CTNNA2: variants seen among roughly 807,000 people sequenced by gnomAD.
CTNNA2 encodes catenin alpha-2.
Under a neutral mutation model 101.0 loss-of-function variants are expected in CTNNA2, and 42 were observed. That is an observed-to-expected ratio of 0.42 (90% CI 0.32 to 0.54). The LOEUF is 0.54. Among genes scored for constraint, CTNNA2 ranks in the 20% least tolerant of loss-of-function variants. The pLI is 0.14. For synonymous variants in CTNNA2, 450 were observed against 456.4 expected (o/e 0.99, Z 0.18); for missense variants, 871 against 1,223.1 (o/e 0.71, Z 4.29).
chr2:80,096,746 T>G (rs1339893202), intron 7 of CTNNA2, among the ~76,000 whole-genome samples: 2 of 152,240 alleles, frequency 1.3e-5, no homozygotes, highest in East Asian at 1.9e-4. Context: ...AATTGATCCC[T>G]TTACCATTAT....
intron 7 of CTNNA2, among the ~76,000 whole-genome samples, chr2:80,055,184 G>T (rs1697139143): frequency 6.6e-6 from 1 of 151,886 alleles, no homozygotes; most frequent in Non-Finnish European, 1.5e-5. Context: ...ACACCACCAT[G>T]CTCAGCTCAC....
Position 80,629,820 on chromosome 2 carries a change from G to A in CTNNA2, c.2574+10592G>A, listed in dbSNP as rs561554502. 1.6e-3 allele frequency among the ~76,000 whole-genome samples: 249 copies of A among 152,256 alleles called. 1 individual carries two copies. Among genetic ancestry groups the A allele is most frequent in the African/African-American group, 5.4e-3 (223 of 41,548 alleles). On this transcript the variant is annotated intron_variant, in intron 18 of 18. Coordinates refer to ENST00000402739, the MANE Select transcript of CTNNA2 (RefSeq NM_001282597.3). ...CAAACATCTCCAAACTTTGCTGAAC[G>A]TATCCTGGAGTGGGTGGCAAAATTA...
rs369188518 is a variant in CTNNA2, at chr2:79,740,671, A to T, written c.103-3716A>T. ...AAAATGTAGTGAGACAAATGTAGAG[A>T]ATAAATACATTTTAAGATTATTTTG... On this transcript the variant is annotated intron_variant, in intron 2 of 18. Transcript: ENST00000402739. Among the ~76,000 whole-genome samples the T allele has an allele frequency of 1.9e-4, 29 of 152,352 alleles. No individual in the cohort carries two copies. In the East Asian group the frequency reaches 2.1e-3, roughly 11 times the overall value.
intron 9 of CTNNA2, among the ~76,000 whole-genome samples, chr2:80,536,772 T>C (rs574239452): frequency 3.3e-5 from 5 of 152,206 alleles, no homozygotes; most frequent in African/African-American, 1.2e-4. Context: ...AGACTGTGGC[T>C]CTTTTGAGAC....
chr2:79,417,032 T>C (rs1351420832), intron 4 of CTNNA2, among the ~76,000 whole-genome samples: 1 of 152,136 alleles, frequency 6.6e-6, no homozygotes, highest in Non-Finnish European at 1.5e-5. Flanking sequence ...ACTACATCTT[T>C]CTGCACATAT....
intron 2 of CTNNA2, among the ~76,000 whole-genome samples, chr2:79,734,306 T>TA (rs1687380793): frequency 6.6e-6 from 1 of 152,142 alleles, no homozygotes; most frequent in Admixed American, 6.6e-5. Flanking sequence ...GATTTTAGGA[T>TA]AACCTAGGTT....
chr2:80,132,000 G>C (rs139058444), intron 7 of CTNNA2, among the ~76,000 whole-genome samples: 5,389 of 152,188 alleles, frequency 0.035, 281 homozygotes, highest in African/African-American at 0.12. Flanking sequence ...AGAATCACTT[G>C]AACCTGGGAG....
chr2:80,117,691 GA>G (rs1254524708), intron 7 of CTNNA2, among the ~76,000 whole-genome samples: 1 of 152,120 alleles, frequency 6.6e-6, no homozygotes, highest in African/African-American at 2.4e-5. Flanking sequence ...GAAAAGCAGT[GA>G]GACTAACTGG....
chr2:79,705,369 G>C (rs1685286341), intron 2 of CTNNA2, among the ~76,000 whole-genome samples: 1 of 152,104 alleles, frequency 6.6e-6, no homozygotes, highest in African/African-American at 2.4e-5. Flanking sequence ...TGTTATAATT[G>C]ATCTATTTTG....
intron 2 of CTNNA2, among the ~76,000 whole-genome samples, chr2:79,660,273 A>C (rs371939719): frequency 7.5e-6 from 1 of 133,298 alleles, no homozygotes; most frequent in Non-Finnish European, 1.7e-5. Context: ...GTATATACAC[A>C]TATGTATGTG....
rs1177931204 is a variant in CTNNA2 at position 80,648,215 on chromosome 2, A to G, written c.*343A>G. 4 of 172,454 alleles carry G rather than the reference A, an allele frequency of 2.3e-5. No homozygotes were observed. Among genetic ancestry groups the G allele is most frequent in the African/African-American group, 4.7e-5 (2 of 42,240 alleles). The allele number at this position is 172,454 out of a possible 1,614,324, so 10.7% of individuals were successfully genotyped here. On this transcript the variant is annotated 3_prime_UTR_variant, in exon 19 of 19. Transcript: ENST00000402739. ...ACAAAAGCAAACTCTAATGCATGCA[A>G]GAATCATTAGGTTGGCAGGTATATG...
chr2:79,988,380 AG>A (rs1691916333), intron 7 of CTNNA2, among the ~76,000 whole-genome samples: 1 of 152,140 alleles, frequency 6.6e-6, no homozygotes, highest in Non-Finnish European at 1.5e-5. Context: ...ACTGACCAAG[AG>A]GGCATGTTAA....
At chr2:79,768,349 C>A (rs1673312839) in intron 3 of CTNNA2, among the ~76,000 whole-genome samples, 1 of 151,084 alleles carries the variant, frequency 6.6e-6, no homozygotes, top group African/African-American at 2.4e-5. Context: ...GAAGGAGGCA[C>A]TGTCTTTTTA....
At chr2:79,632,336 A>T (rs1679746821) in intron 1 of CTNNA2, among the ~76,000 whole-genome samples, 1 of 152,228 alleles carries the variant, frequency 6.6e-6, no homozygotes, top group African/African-American at 2.4e-5. Flanking sequence ...CTTGTATTTT[A>T]GAACAGAACT....
chr2:80,001,994 G>C (rs9309554), intron 7 of CTNNA2, among the ~76,000 whole-genome samples: 1 of 152,134 alleles, frequency 6.6e-6, no homozygotes, highest in Non-Finnish European at 1.5e-5. Context: ...ATACCTCTCT[G>C]TACTTCCAAG....
chr2:79,966,532 G>A (rs756280943), intron 7 of CTNNA2, among the ~76,000 whole-genome samples: 1 of 152,160 alleles, frequency 6.6e-6, no homozygotes, highest in East Asian at 1.9e-4. Context: ...CTCTGTGCCT[G>A]GCCTGTAACT....
At chr2:79,961,696 C>T (rs551253201) in intron 7 of CTNNA2, among the ~76,000 whole-genome samples, 2 of 152,120 alleles carry the variant, frequency 1.3e-5, no homozygotes, top group African/African-American at 4.8e-5. Flanking sequence ...GTGGCGGGCG[C>T]CTGTAGTCCC....
At chr2:79,479,453 C>G (rs1054551209) in intron 4 of CTNNA2, among the ~76,000 whole-genome samples, 8 of 152,202 alleles carry the variant, frequency 5.3e-5, no homozygotes, top group Admixed American at 2.0e-4. Context: ...AATGTTATAT[C>G]TATTGCATTT....
chr2:80,432,256 T>C (rs1274781245), intron 9 of CTNNA2, among the ~76,000 whole-genome samples: 2 of 152,204 alleles, frequency 1.3e-5, no homozygotes, highest in African/African-American at 4.8e-5. Context: ...TGTGCGAGTA[T>C]GTGTGTTAGA....
Sources: gnomAD v4.1 joint callset for allele counts (sites outside exome capture counted in the v4.1 genomes callset) on GRCh38, gnomAD v4.1.1 for gene constraint, MANE v1.5 for transcripts, NCBI Gene and HGNC (gene_info 2026-07-23, HGNC 2026-07-21) for gene names.